ACER3: variants seen among roughly 807,000 people sequenced by gnomAD.
ACER3 encodes alkaline ceramidase 3.
ACER3 carries 16 observed loss-of-function variants against 48.9 expected under a neutral mutation model. The observed-to-expected ratio is 0.33, with a 90% confidence interval of 0.22 to 0.50. The LOEUF is 0.50. ACER3 is among the 20% of genes least tolerant of loss of function. The probability of loss-of-function intolerance (pLI) is 0.98; values close to 1 mark genes in which losing one functional copy is unlikely to be tolerated. For synonymous variants in ACER3, 109 were observed against 107.8 expected (o/e 1.01, Z -0.07); for missense variants, 227 against 326.0 (o/e 0.70, Z 2.34).
intron 7 of ACER3, among the ~76,000 whole-genome samples, chr11:77,009,021 C>G (rs1027109030): frequency 3.9e-5 from 6 of 152,222 alleles, no homozygotes; most frequent in African/African-American, 9.6e-5. Context: ...GATTGTACCA[C>G]TGCACTCCAG....
Position 76,957,525 on chromosome 11 carries a change from C to T in ACER3, c.215-1454C>T, listed in dbSNP as rs529012184. ...GTGGCACAATCTCGGCTCACTGCAA[C>T]CTCCATTTCCCAGGTTTACGCGATC... On this transcript the variant is annotated intron_variant, in intron 2 of 10. Coordinates refer to ENST00000532485, the MANE Select transcript of ACER3 (RefSeq NM_018367.7). 5 of 445,108 alleles carry T rather than the reference C, an allele frequency of 1.1e-5. No individual in the cohort carries two copies. The East Asian group carries it at 3.5e-4, about 31-fold the overall frequency. The allele number at this position is 445,108 out of a possible 1,614,324, so 27.6% of individuals were successfully genotyped here.
chr11:76,956,926 G>A (rs564138580), intron 2 of ACER3, among the ~76,000 whole-genome samples: 1 of 151,868 alleles, frequency 6.6e-6, no homozygotes, highest in South Asian at 2.1e-4. Flanking sequence ...TTTTTTTAAA[G>A]GCAAGAATAA....
At chr11:76,869,113 C>A (rs937719330) in intron 1 of ACER3, among the ~76,000 whole-genome samples, 5 of 152,206 alleles carry the variant, frequency 3.3e-5, no homozygotes, top group African/African-American at 1.2e-4. Flanking sequence ...AGGAAGGGGG[C>A]AGTTCTGGGG....
intron 3 of ACER3, among the ~76,000 whole-genome samples, chr11:76,971,537 C>CA (rs1279851196): frequency 1.3e-4 from 18 of 135,130 alleles, no homozygotes; most frequent in African/African-American, 3.6e-4. Context: ...GACTCCATCT[C>CA]AAAAAAAAAG....
intron 4 of ACER3, among the ~76,000 whole-genome samples, chr11:76,983,408 C>T (rs1415003058): frequency 6.6e-6 from 1 of 152,060 alleles, no homozygotes; most frequent in East Asian, 1.9e-4. Context: ...TCTCCTCATC[C>T]CAGGCTCAAG....
chr11:77,013,437 A>G (rs1248866422), intron 7 of ACER3, among the ~76,000 whole-genome samples: 2 of 152,240 alleles, frequency 1.3e-5, no homozygotes, highest in African/African-American at 4.8e-5. Flanking sequence ...ATAATGTATC[A>G]AAGAAGATGT....
chr11:76,923,374 C>T (rs1946735697), intron 1 of ACER3, among the ~76,000 whole-genome samples: 1 of 152,150 alleles, frequency 6.6e-6, no homozygotes, highest in Admixed American at 6.5e-5. Flanking sequence ...CACTGATCTT[C>T]TTTCTGTCAC....
In ACER3 at chr11:76,860,925, G is replaced by C. The variant is rs1403909187; in HGVS notation, c.-52G>C. ...TGGGCCGGAGCCGGCCTGGTCGCCAGCCTAACCCGGCACAGTGAGCGGAGC... is the reference window on the plus strand; with the variant it reads ...TGGGCCGGAGCCGGCCTGGTCGCCACCCTAACCCGGCACAGTGAGCGGAGC... On this transcript the variant is annotated 5_prime_UTR_variant, in exon 1 of 11. Coordinates refer to ENST00000532485, the MANE Select transcript of ACER3 (RefSeq NM_018367.7). 1.5e-6 allele frequency: 2 copies of C among 1,373,484 alleles called. No individual in the cohort carries two copies. The highest frequency in any genetic ancestry group is 1.9e-6 in the Non-Finnish European group (2 of 1,026,554). The allele number at this position is 1,373,484 out of a possible 1,614,324, so 85.1% of individuals were successfully genotyped here. A position where few individuals can be genotyped will look rare whatever the true frequency, so the allele number is the denominator to read the frequency against.
chr11:76,999,655 G>C (rs1948988541), intron 7 of ACER3, among the ~76,000 whole-genome samples: 1 of 151,910 alleles, frequency 6.6e-6, no homozygotes, highest in African/African-American at 2.4e-5. Flanking sequence ...CTTAACCTCT[G>C]GTGATCACTT....
chr11:77,026,361 CA>C lies in ACER3; in HGVS notation c.*6036del, dbSNP rs781847459. The C allele has an allele frequency of 6.6e-6, 1 of 152,040 alleles. No individual in the cohort carries two copies. Among genetic ancestry groups the C allele is most frequent in the Admixed American group, 6.6e-5 (1 of 15,266 alleles). 9.4% of individuals were successfully genotyped at this position (152,040 alleles called of 1,614,324 possible). On this transcript the variant is annotated 3_prime_UTR_variant, in exon 11 of 11. Coordinates refer to ENST00000532485, the MANE Select transcript of ACER3 (RefSeq NM_018367.7). ...CTTTTTAGAGCTAAATTATTCATAC[CA>C]ATGAATAAGTGAGTCTGTTCTAAGA...
chr11:76,874,284 A>G (rs2134543464), intron 1 of ACER3, among the ~76,000 whole-genome samples: 1 of 152,200 alleles, frequency 6.6e-6, no homozygotes, highest in East Asian at 1.9e-4. Context: ...AAAAACTGAT[A>G]AAAAGAATGG....
At chr11:77,005,996 T>TATATATATATACG in intron 7 of ACER3, among the ~76,000 whole-genome samples, 1 of 88,910 alleles carries the variant, frequency 1.1e-5, no homozygotes, top group Admixed American at 1.2e-4. Flanking sequence ...TATATATTTT[T>TATATATATATACG]TTTTTTTTTT....
At chr11:76,864,735 G>T (rs1296315285) in intron 1 of ACER3, among the ~76,000 whole-genome samples, 1 of 150,870 alleles carries the variant, frequency 6.6e-6, no homozygotes, top group East Asian at 2.0e-4. Flanking sequence ...AAGTAGCTGG[G>T]ATTACAGGCG....
chr11:76,867,066 G>A (rs1468017882), intron 1 of ACER3, among the ~76,000 whole-genome samples: 6 of 152,092 alleles, frequency 3.9e-5, no homozygotes, highest in Admixed American at 6.5e-5. Context: ...AGAATTACCC[G>A]GTTAAAAGTC....
intron 2 of ACER3, among the ~76,000 whole-genome samples, chr11:76,954,554 C>T (rs968973387): frequency 2.6e-5 from 4 of 151,366 alleles, no homozygotes; most frequent in Admixed American, 2.6e-4. Context: ...CTCTATAACT[C>T]CCCTTTTTTA....
intron 7 of ACER3, among the ~76,000 whole-genome samples, chr11:76,999,527 G>A (rs1490005112): frequency 6.6e-6 from 1 of 151,856 alleles, no homozygotes; most frequent in Non-Finnish European, 1.5e-5. Context: ...CAAAACCAAG[G>A]CTTGATATGA....
intron 2 of ACER3, among the ~76,000 whole-genome samples, chr11:76,928,240 T>G (rs1232191609): frequency 6.6e-6 from 1 of 152,260 alleles, no homozygotes; most frequent in African/African-American, 2.4e-5. Flanking sequence ...CATGTGTTTT[T>G]GGGCTGCATA....
chr11:76,950,133 A>G (rs183887530), intron 2 of ACER3, among the ~76,000 whole-genome samples: 5 of 151,828 alleles, frequency 3.3e-5, no homozygotes, highest in African/African-American at 1.2e-4. Flanking sequence ...TGCACACTAT[A>G]GCATTTAGTG....
At chr11:76,974,766 A>C (rs1948396037) in intron 3 of ACER3, among the ~76,000 whole-genome samples, 1 of 89,666 alleles carries the variant, frequency 1.1e-5, no homozygotes, top group Non-Finnish European at 2.7e-5. Context: ...TTACTGTTGT[A>C]TGAAGGGGTT....
Sources: allele counts gnomAD v4.1 joint callset (sites outside exome capture counted in the v4.1 genomes callset), GRCh38; gene constraint gnomAD v4.1.1; transcripts MANE v1.5; gene names NCBI Gene and HGNC (gene_info 2026-07-23, HGNC 2026-07-21).